Variants in TBC1D32 observed in about 807,000 individuals in gnomAD.
TBC1D32 encodes the protein TBC1 domain family member 32.
TBC1D32 carries 151 observed loss-of-function variants against 170.3 expected under a neutral mutation model. The ratio of observed to expected loss-of-function variants is 0.89; its 90% confidence interval spans 0.78 to 1.01. TBC1D32 has a LOEUF of 1.01. Ranked by LOEUF, TBC1D32 falls within the 50% of genes least tolerant of loss-of-function variation. The pLI, the probability that TBC1D32 is intolerant of heterozygous loss-of-function variation, is 0.00. For missense variants in TBC1D32, 1,464 were observed against 1,457.1 expected, an observed-to-expected ratio of 1.00 and a Z score of -0.08; for synonymous variants, 498 against 488.0, an observed-to-expected ratio of 1.02 and a Z score of -0.27.
At chr6:121,122,824 G>A (rs1254985124) in intron 26 of TBC1D32, among the ~76,000 whole-genome samples, 1 of 152,076 alleles carries the variant, frequency 6.6e-6, no homozygotes, top group Non-Finnish European at 1.5e-5. Flanking sequence ...GTGTGTCTGG[G>A]ACAGGGGGTA....
chr6:121,180,907 C>A (rs1583102102), intron 22 of TBC1D32, among the ~76,000 whole-genome samples: 1 of 151,968 alleles, frequency 6.6e-6, no homozygotes, highest in East Asian at 1.9e-4. Flanking sequence ...ATAATAATAA[C>A]CCAATTTAAA....
intron 1 of TBC1D32, among the ~76,000 whole-genome samples, chr6:121,327,879 T>C (rs770637409): frequency 6.6e-6 from 1 of 152,180 alleles, no homozygotes; most frequent in African/African-American, 2.4e-5. Context: ...GGCCTTTCAA[T>C]AGCGTCTCTC....
At chr6:121,094,715 T>A (rs1454133206) in intron 30 of TBC1D32, among the ~76,000 whole-genome samples, 1 of 152,086 alleles carries the variant, frequency 6.6e-6, no homozygotes, top group African/African-American at 2.4e-5. Flanking sequence ...TCCATCCCTT[T>A]CTCCTACTAA....
chr6:121,268,146 G>C (rs1800805631), intron 15 of TBC1D32, among the ~76,000 whole-genome samples: 1 of 152,022 alleles, frequency 6.6e-6, no homozygotes, highest in African/African-American at 2.4e-5. Flanking sequence ...AAATCACAAA[G>C]ATGGGGAGAA....
chr6:121,277,709 T>C (rs981825653), intron 15 of TBC1D32, among the ~76,000 whole-genome samples: 3 of 151,156 alleles, frequency 2.0e-5, no homozygotes, highest in Non-Finnish European at 3.0e-5. Context: ...GCTTCCACCA[T>C]AGAAAACTAG....
rs184985414 is a variant in TBC1D32, at chr6:121,156,625, T to C, written c.2773+3385A>G. ...GATGTTAGATCATTAATTTAAGGTCTTTCTAACCTCTTGATGAAAGCCATA... is the reference window on the plus strand; with the variant it reads ...GATGTTAGATCATTAATTTAAGGTCCTTCTAACCTCTTGATGAAAGCCATA... On this transcript the variant is annotated intron_variant, in intron 24 of 31. Transcript: ENST00000398212. Among the ~76,000 whole-genome samples, 11 of 152,208 alleles carry C rather than the reference T, an allele frequency of 7.2e-5. No individual in the cohort carries two copies. The East Asian group carries it at 2.1e-3, about 29-fold the overall frequency.
chr6:121,271,950 C>T (rs1326127426), intron 15 of TBC1D32, among the ~76,000 whole-genome samples: 1 of 152,036 alleles, frequency 6.6e-6, no homozygotes, highest in Non-Finnish European at 1.5e-5. Context: ...AGAAATAATA[C>T]CACACATCTA....
intron 30 of TBC1D32, among the ~76,000 whole-genome samples, chr6:121,098,014 G>C (rs751328791): frequency 2.6e-5 from 4 of 151,776 alleles, no homozygotes; most frequent in Non-Finnish European, 5.9e-5. Flanking sequence ...ATGGACACAG[G>C]GGAGGGGAAC....
At chr6:121,298,385 A>G (rs1157878898) in intron 10 of TBC1D32, among the ~76,000 whole-genome samples, 1 of 152,008 alleles carries the variant, frequency 6.6e-6, no homozygotes, top group Admixed American at 6.6e-5. Flanking sequence ...TCTATAAAAA[A>G]CCTTATTTGA....
At chr6:121,157,907 C>G (rs1237639964) in intron 24 of TBC1D32, among the ~76,000 whole-genome samples, 1 of 152,016 alleles carries the variant, frequency 6.6e-6, no homozygotes, top group Non-Finnish European at 1.5e-5. Context: ...GTAGGTGACC[C>G]AACCTTTCTC....
intron 22 of TBC1D32, among the ~76,000 whole-genome samples, chr6:121,176,755 C>A (rs550503510): frequency 3.3e-5 from 5 of 152,062 alleles, no homozygotes; most frequent in African/African-American, 4.8e-5. Flanking sequence ...CGCGCCACCA[C>A]GCCCAGCTAA....
At chr6:121,205,001 A>C (rs1345292871) in intron 22 of TBC1D32, 74 bp downstream of exon 22, 30 of 808,924 alleles carry the variant, frequency 3.7e-5, no homozygotes, top group Non-Finnish European at 7.6e-6. Context: ...ATACTTTTTT[A>C]AAGTATACAG....
intron 24 of TBC1D32, among the ~76,000 whole-genome samples, chr6:121,144,705 A>T (rs1562641542): frequency 6.6e-6 from 1 of 152,134 alleles, no homozygotes; most frequent in East Asian, 1.9e-4. Flanking sequence ...GGCAAAGATA[A>T]GTATTAGAGA....
chr6:121,110,854 G>A (rs1054638330), intron 29 of TBC1D32, among the ~76,000 whole-genome samples: 5 of 152,196 alleles, frequency 3.3e-5, no homozygotes, highest in South Asian at 2.1e-4. Context: ...AATTCCTGTC[G>A]AGGAATCTTA....
chr6:121,325,711 T>C (rs951831865), intron 1 of TBC1D32, among the ~76,000 whole-genome samples: 4 of 152,188 alleles, frequency 2.6e-5, no homozygotes, highest in Admixed American at 6.5e-5. Context: ...GACATAGGCA[T>C]GGGCAAAGAC....
chr6:121,321,521 A>C, intron 2 of TBC1D32, 112 bp downstream of exon 2: 1 of 1,031,732 alleles, frequency 9.7e-7, no homozygotes, highest in South Asian at 1.9e-5. Flanking sequence ...TGTTTTAAAG[A>C]ATCATTCTGG....
In TBC1D32 at chr6:121,080,784, A is replaced by T; in HGVS notation, c.3761T>A (p.Leu1254Gln). 6.2e-7 allele frequency: 1 copy of T among 1,613,004 alleles called. No homozygotes were observed. The change falls in exon 32 of 32, where the codon CTG becomes CAG. Residue 1254 changes from leucine (L) to glutamine (Q), a missense_variant. Physicochemically the swap from Leu to Gln is moderately radical, Grantham distance 113 (BLOSUM62 -2). This residue lies in a region of TBC1D32 where 97 missense variants were observed against 102.0 expected (regional missense o/e 0.95). Coordinates refer to ENST00000398212, the MANE Select transcript of TBC1D32 (RefSeq NM_152730.6). ...GTGTCTCATGATCTATGTGCTCTGC[A>T]GTCTAATGTTCCGCATGTCTCTCAG... ...VLLRDMRNIRLQST is the reference protein window; with the variant it reads ...VLLRDMRNIRQQST
chr6:121,186,224 A>G (rs1483284187), intron 22 of TBC1D32, among the ~76,000 whole-genome samples: 1 of 152,072 alleles, frequency 6.6e-6, no homozygotes, highest in East Asian at 1.9e-4. Flanking sequence ...TGCGTTGGCT[A>G]GAGGAATTGA....
chr6:121,281,215 A>G (rs9320799), intron 14 of TBC1D32, among the ~76,000 whole-genome samples: 100,016 of 151,456 alleles, frequency 0.66, 38,040 homozygotes, highest in Non-Finnish European at 0.85. Context: ...CATAAAACAA[A>G]TAACAAAACA....
Sources: allele counts gnomAD v4.1 joint callset (sites outside exome capture counted in the v4.1 genomes callset), GRCh38; gene constraint gnomAD v4.1.1; regional missense constraint gnomAD v4.1.1; transcripts MANE v1.5; gene names NCBI Gene and HGNC (gene_info 2026-07-23, HGNC 2026-07-21).